The following PDAP1 variants were observed in gnomAD, a reference collection of about 807,000 sequenced individuals.
PDAP1 encodes 28 kDa heat- and acid-stable phosphoprotein.
Under a neutral mutation model 28.0 loss-of-function variants are expected in PDAP1, and 13 were observed. That is an observed-to-expected ratio of 0.46 (90% confidence interval 0.30 to 0.74). The LOEUF (loss-of-function observed/expected upper bound fraction) is 0.74. Ranked by LOEUF, PDAP1 falls within the 30% of genes least tolerant of loss-of-function variation. The pLI, the probability that PDAP1 is intolerant of heterozygous loss-of-function variation, is 0.07. For synonymous variants in PDAP1, 77 were observed against 85.1 expected (o/e 0.91, Z 0.52); for missense variants, 150 against 230.0 (o/e 0.65, Z 2.25).
In PDAP1 at chr7:99,395,660, G is replaced by A. The variant is rs1029157578; in HGVS notation, c.*1022C>T. On this transcript the variant is annotated 3_prime_UTR_variant, in exon 6 of 6. Transcript: ENST00000350498. ...CTAGTGCTATTCCCCTTCTCCCCTA[G>A]AGTTACAGAATTATAACCACCAGGG... The A allele has an allele frequency of 1.3e-5, 2 of 152,204 alleles. No individual in the cohort carries two copies. Among genetic ancestry groups the A allele is most frequent in the African/African-American group, 4.8e-5 (2 of 41,436 alleles). The allele number at this position is 152,204 out of a possible 1,614,324, so 9.4% of individuals were successfully genotyped here.
chr7:99,403,973 C>A (rs1375696599), intron 2 of PDAP1, among the ~76,000 whole-genome samples: 1 of 152,164 alleles, frequency 6.6e-6, no homozygotes, highest in Non-Finnish European at 1.5e-5. Context: ...CCCGACCCAC[C>A]CACACAGGTG....
rs1294628841 is a variant in PDAP1, at chr7:99,396,262, A to AC, written c.*419dup. On this transcript the variant is annotated 3_prime_UTR_variant, in exon 6 of 6. Coordinates refer to ENST00000350498, the MANE Select transcript of PDAP1 (RefSeq NM_014891.7). ...GATGATAGCCCCTCTCTGAATGAGCACCCAGGCAACACAGTCCGGGGCTGT... is the reference window on the plus strand; with the variant it reads ...GATGATAGCCCCTCTCTGAATGAGCACCCCAGGCAACACAGTCCGGGGCTGT... 1 of 258,098 alleles carries AC rather than the reference A, an allele frequency of 3.9e-6. No homozygotes were observed. The highest frequency in any genetic ancestry group is 2.4e-5 in the African/African-American group (1 of 42,532). The allele number at this position is 258,098 out of a possible 1,614,324, so 16.0% of individuals were successfully genotyped here. A position where few individuals can be genotyped will look rare whatever the true frequency, so the allele number is the denominator to read the frequency against.
intron 3 of PDAP1, among the ~76,000 whole-genome samples, chr7:99,402,456 A>G (rs1794887837): frequency 6.6e-6 from 1 of 150,458 alleles, no homozygotes; most frequent in Non-Finnish European, 1.5e-5. Flanking sequence ...AAATTTAAAA[A>G]TTAGGTAGAT....
chr7:99,407,786 G>T (rs546602764), intron 1 of PDAP1, among the ~76,000 whole-genome samples: 1 of 152,108 alleles, frequency 6.6e-6, no homozygotes, highest in African/African-American at 2.4e-5. Flanking sequence ...GATAGAGAAC[G>T]GGCTAGAAGA....
chr7:99,403,131 G>T (rs1413073183), intron 3 of PDAP1, among the ~76,000 whole-genome samples: 1 of 152,146 alleles, frequency 6.6e-6, no homozygotes, highest in Non-Finnish European at 1.5e-5. Flanking sequence ...GCTGCATCTT[G>T]TTTTTTCAGA....
At chr7:99,398,715 A>G in intron 4 of PDAP1, among the ~76,000 whole-genome samples, 1 of 152,094 alleles carries the variant, frequency 6.6e-6, no homozygotes, top group East Asian at 1.9e-4. Context: ...AAAAAATACA[A>G]ACAAAAAAAG....
chr7:99,408,464 G>A (rs1271590562), intron 1 of PDAP1, 72 bp downstream of exon 1: 10 of 1,303,238 alleles, frequency 7.7e-6, no homozygotes, highest in Middle Eastern at 2.3e-4. Context: ...ACGCGCACGG[G>A]CTGAGGGGAC....
chr7:99,400,012 CCCA>C (rs1794835049), intron 4 of PDAP1, among the ~76,000 whole-genome samples: 2 of 152,172 alleles, frequency 1.3e-5, no homozygotes, highest in Non-Finnish European at 2.9e-5. Flanking sequence ...GGGAAGTCTC[CCCA>C]GGGTGTGGTG....
chr7:99,401,945 T>C (rs186231518), intron 3 of PDAP1, among the ~76,000 whole-genome samples: 74 of 152,008 alleles, frequency 4.9e-4, no homozygotes, highest in African/African-American at 1.7e-3. Context: ...TCCACCCACC[T>C]TGGCTTCCCA....
At chr7:99,399,816 G>A (rs917704072) in intron 4 of PDAP1, among the ~76,000 whole-genome samples, 1 of 152,206 alleles carries the variant, frequency 6.6e-6, no homozygotes, top group African/African-American at 2.4e-5. Context: ...ATCCTCATAC[G>A]ACTCTTGAGG....
intron 5 of PDAP1, 94 bp from the exon 6 acceptor site, chr7:99,396,834 G>T: frequency 2.1e-6 from 2 of 965,998 alleles, no homozygotes; most frequent in Non-Finnish European, 3.2e-6. Context: ...AGGTCTGAAA[G>T]GCTGCAGAAA....
At chr7:99,399,157 G>A (rs558926596) in intron 4 of PDAP1, among the ~76,000 whole-genome samples, 1 of 152,270 alleles carries the variant, frequency 6.6e-6, no homozygotes, top group East Asian at 1.9e-4. Flanking sequence ...ACAGAACTGG[G>A]GAGTAATGAG....
At position 99,396,696 on chromosome 7, in the gene PDAP1, A is replaced by G. The variant is rs146420545; in HGVS notation, c.532T>C (p.Ser178Pro). 3,161 of 1,611,608 alleles carry G rather than the reference A, an allele frequency of 2.0e-3. 15 individuals are homozygous for G. The highest frequency in any genetic ancestry group is 1.7e-3 in the Non-Finnish European group (1,978 of 1,179,544). Residue 178 changes from serine to proline, a missense_variant, in exon 6 of 6, where the codon TCC (serine) becomes CCC (proline). Physicochemically the swap from Ser to Pro is moderately conservative, Grantham distance 74. Coordinates refer to ENST00000350498, the MANE Select transcript of PDAP1 (RefSeq NM_014891.7). ...ACGGGTCGCAGTTACTTATTCAGGG[A>G]GAGTGACTGCATTCGTTTTCCTGAC... ...TLSGKRMQSLSLNK is the reference protein window; with the variant it reads ...TLSGKRMQSLPLNK
rs1415258418 is a variant in PDAP1, at chr7:99,395,966, T to C, written c.*716A>G. ...CGGCTCGAGCACGGAAGCCAAAGGA[T>C]GGATTGCCAAAACAAAGATTACGAT... On this transcript the variant is annotated 3_prime_UTR_variant, in exon 6 of 6. Coordinates refer to ENST00000350498, the MANE Select transcript of PDAP1 (RefSeq NM_014891.7). The C allele has an allele frequency of 9.2e-5, 14 of 152,838 alleles. No homozygotes were observed. The highest frequency in any genetic ancestry group is 9.2e-4 in the Admixed American group (14 of 15,300). The allele number at this position is 152,838 out of a possible 1,614,324, so 9.5% of individuals were successfully genotyped here. A position where few individuals can be genotyped will look rare whatever the true frequency, so the allele number is the denominator to read the frequency against.
At chr7:99,402,759 G>A (rs576631338) in intron 3 of PDAP1, among the ~76,000 whole-genome samples, 4 of 151,186 alleles carry the variant, frequency 2.6e-5, no homozygotes, top group Non-Finnish European at 4.4e-5. Context: ...GCAGGCGCCT[G>A]TAGTCCCAGC....
At chr7:99,403,352 TTGAA>T in intron 3 of PDAP1, 42 bp downstream of exon 3, 1 of 1,163,574 alleles carries the variant, frequency 8.6e-7, no homozygotes, top group East Asian at 2.3e-5. Context: ...CGTTTGTTTG[TTGAA>T]TGAATGAGTC....
rs1257316555 is a variant in PDAP1 at position 99,395,070 on chromosome 7, C to G, written c.*1612G>C. The G allele has an allele frequency of 1.8e-5, 3 of 162,474 alleles. No individual in the cohort carries two copies. The highest frequency in any genetic ancestry group is 4.0e-5 in the Non-Finnish European group (3 of 75,816). The allele number at this position is 162,474 out of a possible 1,614,324, so 10.1% of individuals were successfully genotyped here. On this transcript the variant is annotated 3_prime_UTR_variant, in exon 6 of 6. Coordinates refer to ENST00000350498, the MANE Select transcript of PDAP1 (RefSeq NM_014891.7). ...CCCACTGCTGTCCATCCTGGGCTGC[C>G]ACTCCCAAAACTGCCAGTACCAGGT...
chr7:99,408,204 C>G (rs973134679), intron 1 of PDAP1, among the ~76,000 whole-genome samples: 2 of 152,146 alleles, frequency 1.3e-5, no homozygotes, highest in Non-Finnish European at 2.9e-5. Flanking sequence ...AAGCGCGGGA[C>G]GCGGTGACTC....
intron 2 of PDAP1, among the ~76,000 whole-genome samples, chr7:99,403,960 C>A (rs1350718225): frequency 6.6e-6 from 1 of 152,104 alleles, no homozygotes; most frequent in Non-Finnish European, 1.5e-5. Flanking sequence ...GGCAAGTCAT[C>A]CCCCCGACCC....
Sources: gnomAD v4.1 joint callset for allele counts (sites outside exome capture counted in the v4.1 genomes callset) on GRCh38, gnomAD v4.1.1 for gene constraint, MANE v1.5 for transcripts, NCBI Gene and HGNC (gene_info 2026-07-23, HGNC 2026-07-21) for gene names.